PPARGC1B: variants seen among roughly 807,000 people sequenced by gnomAD.
The protein encoded by PPARGC1B is peroxisome proliferator-activated receptor gamma coactivator 1-beta.
In PPARGC1B, 34 loss-of-function variants were observed where a neutral mutation model predicts 101.6. The ratio of observed to expected loss-of-function variants is 0.33; its 90% CI spans 0.25 to 0.45. PPARGC1B has a LOEUF of 0.45. Among genes scored for constraint, PPARGC1B ranks in the 20% least tolerant of loss-of-function variants. PPARGC1B has a pLI of 1.00. For synonymous variants in PPARGC1B, 548 were observed against 539.3 expected (o/e 1.02, Z -0.22); for missense variants, 1,234 against 1,317.6 (o/e 0.94, Z 0.98).
At chr5:149,778,420 G>A (rs1346420324) in intron 1 of PPARGC1B, among the ~76,000 whole-genome samples, 1 of 151,902 alleles carries the variant, frequency 6.6e-6, no homozygotes, top group Non-Finnish European at 1.5e-5. Context: ...AGGGAGAGGA[G>A]GCTCCAAGCA....
intron 1 of PPARGC1B, among the ~76,000 whole-genome samples, chr5:149,792,010 G>A (rs1190945911): frequency 6.6e-6 from 1 of 152,144 alleles, no homozygotes; most frequent in African/African-American, 2.4e-5. Context: ...CCATGGGAGG[G>A]GTGTCAGTGG....
At position 149,833,778 on chromosome 5, in the gene PPARGC1B, G is replaced by T; in HGVS notation, c.1705G>T (p.Asp569Tyr). ...DPSCPQLPPRDSPRCLMLALS... is the reference protein window; with the variant it reads ...DPSCPQLPPRYSPRCLMLALS... ...CAGCTGCCCGCAGCTCCCTCCCAGA[G>T]GTAGTCAGAGTTGGTGGTCTGCGAA... Residue 569 changes from aspartate to tyrosine, a missense_variant and splice_region_variant, in exon 5 of 12, where the codon GAC becomes TAC. Physicochemically the swap from Asp to Tyr is radical, Grantham distance 160. Coordinates refer to ENST00000309241, the MANE Select transcript of PPARGC1B (RefSeq NM_133263.4). The surrounding 1 kb of genome is among the most constrained non-coding windows in gnomAD (Gnocchi z 4.1). The T allele has an allele frequency of 1.3e-6, 2 of 1,512,076 alleles. No individual in the cohort carries two copies. Among genetic ancestry groups the T allele is most frequent in the Non-Finnish European group, 1.8e-6 (2 of 1,134,946 alleles). 93.7% of individuals were successfully genotyped at this position (1,512,076 alleles called of 1,614,324 possible). A position where few individuals can be genotyped will look rare whatever the true frequency, so the allele number is the denominator to read the frequency against.
chr5:149,743,753 G>A (rs1754991531), intron 1 of PPARGC1B, among the ~76,000 whole-genome samples: 1 of 152,142 alleles, frequency 6.6e-6, no homozygotes, highest in African/African-American at 2.4e-5. Flanking sequence ...TTGTCACCAA[G>A]ATAAGTCTTG....
At chr5:149,835,717 G>T (rs1013272331) in intron 7 of PPARGC1B, among the ~76,000 whole-genome samples, 26 of 152,190 alleles carry the variant, frequency 1.7e-4, no homozygotes, top group Non-Finnish European at 3.5e-4. Flanking sequence ...ACGATTGGAC[G>T]TAGATCAGGA....
chr5:149,770,924 T>G (rs1048280491), intron 1 of PPARGC1B, among the ~76,000 whole-genome samples: 1 of 152,152 alleles, frequency 6.6e-6, no homozygotes, highest in Non-Finnish European at 1.5e-5. Context: ...GAAGCCATCA[T>G]AGGACTTGAT....
At chr5:149,817,300 CCT>C (rs1018798006) in intron 1 of PPARGC1B, among the ~76,000 whole-genome samples, 1 of 152,078 alleles carries the variant, frequency 6.6e-6, no homozygotes, top group Non-Finnish European at 1.5e-5. Flanking sequence ...TAGAGAGACC[CCT>C]GTCTGTACAA....
intron 3 of PPARGC1B, among the ~76,000 whole-genome samples, chr5:149,829,855 G>A (rs962028963): frequency 1.3e-5 from 2 of 151,670 alleles, no homozygotes; most frequent in Non-Finnish European, 2.9e-5. Context: ...GGCCAACATG[G>A]TAAAACCCCA....
At chr5:149,742,881 C>A (rs1028682392) in intron 1 of PPARGC1B, among the ~76,000 whole-genome samples, 1 of 152,096 alleles carries the variant, frequency 6.6e-6, no homozygotes, top group Non-Finnish European at 1.5e-5. Context: ...CAGGAGGCAT[C>A]TTTGGTGTGG....
intron 9 of PPARGC1B, among the ~76,000 whole-genome samples, chr5:149,841,671 A>T (rs26128): frequency 0.13 from 19,455 of 152,132 alleles, 1,420 homozygotes; most frequent in South Asian, 0.21. Context: ...AGAGGAGGGG[A>T]AGGGGAGTTC....
intron 1 of PPARGC1B, among the ~76,000 whole-genome samples, chr5:149,808,086 C>T (rs778748094): frequency 3.7e-4 from 57 of 152,122 alleles, no homozygotes; most frequent in Non-Finnish European, 1.8e-4. Context: ...CGGGGCCATG[C>T]GTAGCCCTAC....
intron 10 of PPARGC1B, 99 bp from the exon 11 acceptor site, chr5:149,845,661 G>C: frequency 7.8e-7 from 1 of 1,285,428 alleles, no homozygotes; most frequent in Non-Finnish European, 1.1e-6. Context: ...TGTGGGTATC[G>C]AATCACTGTG....
At chr5:149,774,135 C>T (rs1756258692) in intron 1 of PPARGC1B, among the ~76,000 whole-genome samples, 1 of 152,154 alleles carries the variant, frequency 6.6e-6, no homozygotes, top group South Asian at 2.1e-4. Context: ...GGGGAGAGGC[C>T]ATGGTGACAT....
intron 8 of PPARGC1B, among the ~76,000 whole-genome samples, chr5:149,839,516 A>G (rs1759247143): frequency 6.6e-6 from 1 of 152,200 alleles, no homozygotes; most frequent in South Asian, 2.1e-4. Context: ...TGGAGCTGCA[A>G]TGGCCAGGGG....
intron 1 of PPARGC1B, among the ~76,000 whole-genome samples, chr5:149,814,581 C>T (rs1196154271): frequency 6.6e-6 from 1 of 152,174 alleles, no homozygotes; most frequent in Non-Finnish European, 1.5e-5. Flanking sequence ...GCCCCACCTC[C>T]TCCAGCTTCC....
rs1445118840 is a variant in PPARGC1B at position 149,826,905 on chromosome 5, A to T, written c.465+20A>T. ...TCACTGGTAAGAACCTACTTACAGC[A>T]GAAGTGATGGTTGCAGCCTGGGATT... On this transcript the variant is annotated intron_variant, in intron 3 of 11. Coordinates refer to ENST00000309241, the MANE Select transcript of PPARGC1B (RefSeq NM_133263.4). 6.4e-7 allele frequency: 1 copy of T among 1,563,056 alleles called. No homozygotes were observed. The highest frequency in any genetic ancestry group is 8.8e-7 in the Non-Finnish European group (1 of 1,141,186).
intron 1 of PPARGC1B, among the ~76,000 whole-genome samples, chr5:149,818,026 A>G (rs1382303800): frequency 1.3e-5 from 2 of 152,222 alleles, no homozygotes; most frequent in African/African-American, 4.8e-5. Context: ...CGAAGGAGAA[A>G]GAAGCTCCCA....
Position 149,833,750 on chromosome 5 carries a change from C to T in PPARGC1B, c.1677C>T (p.Asp559=). The T allele has an allele frequency of 6.5e-7, 1 of 1,549,996 alleles. No individual in the cohort carries two copies. ...CESGCGDMDE[D]PSCPQLPPRD... ...GTGGGTGTGGGGACATGGATGAGGA[C>T]CCCAGCTGCCCGCAGCTCCCTCCCA... Residue 559 remains aspartate (D), a synonymous_variant, in exon 5 of 12, where the codon GAC becomes GAT. Coordinates refer to ENST00000309241, the MANE Select transcript of PPARGC1B (RefSeq NM_133263.4). The surrounding 1 kb of genome is among the most constrained non-coding windows in gnomAD (Gnocchi z 4.1).
At position 149,832,453 on chromosome 5, in the gene PPARGC1B, G is replaced by A. The variant is rs1432019297; in HGVS notation, c.583-203G>A. ...TCCATGGCTGGGAGAGCTGTTAGGAGGCTGGTCTTTCCTTCATTCCTCATC... is the reference window on the plus strand; with the variant it reads ...TCCATGGCTGGGAGAGCTGTTAGGAAGCTGGTCTTTCCTTCATTCCTCATC... On this transcript the variant is annotated intron_variant, in intron 4 of 11. Transcript: ENST00000309241. The surrounding 1 kb of genome is among the most constrained non-coding windows in gnomAD (Gnocchi z 4.9). Among the ~76,000 whole-genome samples the A allele has an allele frequency of 2.0e-5, 3 of 152,160 alleles. No homozygotes were observed. Among genetic ancestry groups the A allele is most frequent in the Non-Finnish European group, 2.9e-5 (2 of 68,024 alleles).
Position 149,847,736 on chromosome 5 carries a change from C to T in PPARGC1B, c.*178C>T, listed in dbSNP as rs1418206038. 1 of 586,578 alleles carries T rather than the reference C, an allele frequency of 1.7e-6. No individual in the cohort carries two copies. Among genetic ancestry groups the T allele is most frequent in the Non-Finnish European group, 3.0e-6 (1 of 330,336 alleles). 36.3% of individuals were successfully genotyped at this position (586,578 alleles called of 1,614,324 possible). On this transcript the variant is annotated 3_prime_UTR_variant, in exon 12 of 12. Transcript: ENST00000309241. The stretch of plus-strand genomic sequence containing the variant: ...AAAAAAAATCAATGTTTACATTGAA[C>T]AAAGCTGCTTCTGTCTGTGAGTTTC...
Sources: allele counts gnomAD v4.1 joint callset (sites outside exome capture counted in the v4.1 genomes callset), GRCh38; gene constraint gnomAD v4.1.1; non-coding constraint Gnocchi (gnomAD v3.1); transcripts MANE v1.5; gene names NCBI Gene and HGNC (gene_info 2026-07-23, HGNC 2026-07-21).